The following TTN variants were observed in gnomAD, a reference collection of about 807,000 sequenced individuals.
TTN encodes titin, also known as connectin.
TTN carries 1,525 observed loss-of-function variants against 3,223.0 expected under a neutral mutation model. That is an observed-to-expected ratio of 0.47 (90% CI 0.45 to 0.49). The LOEUF (loss-of-function observed/expected upper bound fraction) is 0.49. TTN is among the 20% of genes least tolerant of loss of function. The pLI is 0.00. For missense variants in TTN, 40,786 were observed against 43,424.0 expected (o/e 0.94, Z 5.40); for synonymous variants, 14,094 against 15,161.0 (o/e 0.93, Z 5.17).
rs764276736 is a variant in TTN at position 178,575,374 on chromosome 2, T to C, written c.70758A>G (p.Lys23586=). 4 of 1,613,522 alleles carry C rather than the reference T, an allele frequency of 2.5e-6. No individual in the cohort carries two copies. In the African/African-American group the frequency reaches 4.0e-5, roughly 16 times the overall value. ...GATTCCTCACAACACATTCTAACCC[T>C]TTCACGGTTGTGATGTGGGTCCACT... is the stretch of plus-strand genomic sequence containing the variant. The part of the protein sequence containing the change: ...SDQWTHITTV[K]GLECVVRNLT... Residue 23586 remains lysine (K), a synonymous_variant, in exon 326 of 363, where the codon AAA becomes AAG. Coordinates refer to ENST00000589042, the MANE Select transcript of TTN (RefSeq NM_001267550.2). This position sits in a 1 kb window ranked among gnomAD's most constrained non-coding sequence, Gnocchi z 4.0.
Position 178,776,302 on chromosome 2 carries a change from T to A in TTN, c.5562A>T (p.Glu1854Asp), listed in dbSNP as rs571222694. The A allele has an allele frequency of 6.2e-7, 1 of 1,614,078 alleles. No individual in the cohort carries two copies. Among genetic ancestry groups the A allele is most frequent in the South Asian group, 1.1e-5 (1 of 91,080 alleles). ...TGCAGCGGAACCTTGCAGTCTCCCC[T>A]TCAAGTACTCTAACTGGCTCTGGGT... The part of the protein sequence containing the change: ...VLYPEPVRVL[E>D]GETARFRCRV... The change falls in exon 28 of 363, where the codon GAA (glutamate) becomes GAT (aspartate). Residue 1854 changes from glutamate to aspartate, a missense_variant. By Grantham distance (45) the Glu-to-Asp change is conservative. Transcript: ENST00000589042.
At chr2:178,766,711 G>A in intron 40 of TTN, 99 bp from the exon 41 acceptor site, 1 of 896,960 alleles carries the variant, frequency 1.1e-6, no homozygotes, top group Admixed American at 2.0e-5. Flanking sequence ...TCAATGAATG[G>A]CATGTGAAAC....
rs768044036 is a variant in TTN, at chr2:178,563,026, T to C, written c.83106A>G (p.Arg27702=). ...TLRLFVTIKG[R]PEPEVKWEKA... is the part of the protein sequence containing the mutation. ...TTTCCCATTTAACTTCGGGTTCTGG[T>C]CGACCTTTGATAGTGACAAATAAGC... Residue 27702 remains arginine, a synonymous_variant, in exon 326 of 363, where the codon CGA becomes CGG. Transcript: ENST00000589042. The surrounding 1 kb of genome is among the most constrained non-coding windows in gnomAD (Gnocchi z 4.5). 1.2e-6 allele frequency: 2 copies of C among 1,613,588 alleles called. No homozygotes were observed. Among genetic ancestry groups the C allele is most frequent in the African/African-American group, 2.7e-5 (2 of 74,906 alleles).
chr2:178,581,896 G>A lies in TTN; in HGVS notation c.66463+10C>T, dbSNP rs1216304664. On this transcript the variant is annotated intron_variant, in intron 315 of 362. Transcript: ENST00000589042. ...AACACAGGATATGGAACTCGTTCAT[G>A]AACACTTACACTGAGGGTCCCGAGC... The A allele has an allele frequency of 1.8e-5, 29 of 1,611,904 alleles. No individual in the cohort carries two copies. The highest frequency in any genetic ancestry group is 2.4e-5 in the Non-Finnish European group (28 of 1,179,174).
In TTN at chr2:178,686,759, C is replaced by T. The variant is rs1023986258; in HGVS notation, c.32312-1161G>A. Among the ~76,000 whole-genome samples, 3 of 152,188 alleles carry T rather than the reference C, an allele frequency of 2.0e-5. No individual in the cohort carries two copies. In the South Asian group the frequency reaches 6.2e-4, roughly 31 times the overall value. Reference sequence around the variant, plus strand: ...AAGTGTCTGGTTAAAAACATATCTGCTCCTTACGCTGAAAGTAAACCTAAC... The same window carrying T: ...AAGTGTCTGGTTAAAAACATATCTGTTCCTTACGCTGAAAGTAAACCTAAC... On this transcript the variant is annotated intron_variant, in intron 127 of 362. Transcript: ENST00000589042.
At position 178,718,122 on chromosome 2, in the gene TTN, AT is replaced by A; in HGVS notation, c.24883del (p.Ile8295PhefsTer27). On this transcript the variant is annotated frameshift_variant, in exon 86 of 363. Coordinates refer to ENST00000589042, the MANE Select transcript of TTN (RefSeq NM_001267550.2). LOFTEE classifies it high-confidence loss of function. Reference protein sequence around the residue: ...CKVDGTPEIRISWYKEHTKLR... With the variant: ...CKVDGTPEIRXSWYKEHTKLR... The stretch of plus-strand genomic sequence containing the variant: ...CTTTGTGTGTTCTTTATACCAAGAA[AT>A]TCTAATTTCTGGAGTTCCATCCACT... 6.2e-7 allele frequency: 1 copy of A among 1,611,492 alleles called. No individual in the cohort carries two copies. The highest frequency in any genetic ancestry group is 8.5e-7 in the Non-Finnish European group (1 of 1,179,698).
chr2:178,689,162 A>G lies in TTN; in HGVS notation c.32012-26T>C, dbSNP rs1211148000. The stretch of plus-strand genomic sequence containing the variant: ...CTTTAGAGACATTATGCACTTTTAG[A>G]AATTTAATGTGATCTCATTGAAGCC... On this transcript the variant is annotated intron_variant, in intron 124 of 362. Transcript: ENST00000589042. 1.9e-6 allele frequency: 3 copies of G among 1,595,614 alleles called. No homozygotes were observed. The South Asian group carries it at 3.4e-5, about 18-fold the overall frequency.
At chr2:178,704,446 C>T in intron 105 of TTN, 39 bp from the exon 106 acceptor site, 1 of 1,602,568 alleles carries the variant, frequency 6.2e-7, no homozygotes, top group Non-Finnish European at 8.5e-7. Context: ...TTCAATATCA[C>T]ACGCAGATGT....
chr2:178,620,498 C>T lies in TTN; in HGVS notation c.46023G>A (p.Val15341=), dbSNP rs1217882146. Reference sequence around the variant, plus strand: ...TGTATGAGACACGGTTGTCAAAAGGCACTTCTTCACCATTTTTGGTCCACT... The same window carrying T: ...TGTATGAGACACGGTTGTCAAAAGGTACTTCTTCACCATTTTTGGTCCACT... ...TLKWTKNGEE[V]PFDNRVSYRV... is the part of the protein sequence containing the mutation. Residue 15341 remains valine (V), a synonymous_variant, in exon 248 of 363, where the codon GTG becomes GTA. Transcript: ENST00000589042. 6.2e-7 allele frequency: 1 copy of T among 1,612,388 alleles called. No individual in the cohort carries two copies. The highest frequency in any genetic ancestry group is 1.3e-5 in the African/African-American group (1 of 74,914).
rs1184245523 is a variant in TTN, at chr2:178,534,733, C to A, written c.101882G>T (p.Gly33961Val). The A allele has an allele frequency of 6.2e-7, 1 of 1,613,832 alleles. No homozygotes were observed. Among genetic ancestry groups the A allele is most frequent in the South Asian group, 1.1e-5 (1 of 91,082 alleles). ...CCCTGGTTTCAGCTGACGGGCTTGA[C>A]CAAATTCTATGATTTTAATGGTAGA... The part of the protein sequence containing the change: ...RSSTIKIIEF[G>V]QARQLKPGDN... The change falls in exon 358 of 363, where the codon GGT becomes GTT. Residue 33961 changes from glycine (G) to valine (V), a missense_variant. Physicochemically the swap from Gly to Val is moderately radical, Grantham distance 109 (BLOSUM62 -3). Transcript: ENST00000589042.
intron 43 of TTN, among the ~76,000 whole-genome samples, chr2:178,762,486 T>A (rs2154338729): frequency 6.6e-6 from 1 of 152,308 alleles, no homozygotes; most frequent in Admixed American, 6.5e-5. Context: ...TTAAAGGCAA[T>A]ACTACCATAT....
At chr2:178,650,684 A>G (rs893501144) in intron 209 of TTN, 67 bp downstream of exon 209, 1 of 1,390,438 alleles carries the variant, frequency 7.2e-7, no homozygotes, top group Non-Finnish European at 9.8e-7. Flanking sequence ...AGGAAGGAAG[A>G]AGAACAAAGC....
At chr2:178,802,534 G>C (rs1228878395) in intron 2 of TTN, among the ~76,000 whole-genome samples, 193 bp from the exon 3 acceptor site, 2 of 152,200 alleles carry the variant, frequency 1.3e-5, no homozygotes, top group African/African-American at 4.8e-5. Flanking sequence ...GGCAGGAAGG[G>C]AGGAAACTGA....
Position 178,569,844 on chromosome 2 carries a change from T to C in TTN, c.76288A>G (p.Ile25430Val), listed in dbSNP as rs756888687. The change falls in exon 326 of 363, where the codon ATA becomes GTA. Residue 25430 changes from isoleucine to valine, a missense_variant. By Grantham distance (29) the Ile-to-Val change is conservative (BLOSUM62 3). Coordinates refer to ENST00000589042, the MANE Select transcript of TTN (RefSeq NM_001267550.2). The stretch of plus-strand genomic sequence containing the variant: ...TGAATTTCACAGCCACCATCATATA[T>C]TGGTTTGCTCCAAGAAAGGAATACT... ...SSVFLSWSKP[I>V]YDGGCEIQGY... The C allele has an allele frequency of 2.5e-6, 4 of 1,613,386 alleles. No individual in the cohort carries two copies. In the African/African-American group the frequency reaches 4.0e-5, roughly 16 times the overall value.
chr2:178,584,291 C>A lies in TTN; in HGVS notation c.65260G>T (p.Ala21754Ser). 6.4e-7 allele frequency: 1 copy of A among 1,562,608 alleles called. No homozygotes were observed. The highest frequency in any genetic ancestry group is 1.2e-5 in the South Asian group (1 of 83,282). The change falls in exon 311 of 363, where the codon GCA (alanine) becomes TCA (serine). Residue 21754 changes from alanine (A) to serine (S), a missense_variant. Physicochemically the swap from Ala to Ser is moderately conservative, Grantham distance 99. Coordinates refer to ENST00000589042, the MANE Select transcript of TTN (RefSeq NM_001267550.2). ...CAAAACTTACCAACTGGCATTCTTG[C>A]AGTTACATATTCTGTGGGTTTGCTG... ...PPSKPTEYVT[A>S]RMPVDPPGKP...
Position 178,768,720 on chromosome 2 carries a change from G to C in TTN, c.9116C>G (p.Thr3039Ser), listed in dbSNP as rs774523194. The C allele has an allele frequency of 6.2e-7, 1 of 1,614,060 alleles. No homozygotes were observed. The highest frequency in any genetic ancestry group is 1.1e-5 in the South Asian group (1 of 91,074). Residue 3039 changes from threonine (T) to serine (S), a missense_variant, in exon 38 of 363, where the codon ACC (threonine) becomes AGC (serine). Transcript: ENST00000589042. ...NVHFGDAADY[T>S]FVAGKATSTA... ...TGATGTTGCTTTTCCAGCCACAAAG[G>C]TGTAGTCAGCAGCATCCCCAAAGTG...
In TTN at chr2:178,705,510, A is replaced by T. The variant is rs959629492; in HGVS notation, c.29421-153T>A. Among the ~76,000 whole-genome samples the T allele has an allele frequency of 5.9e-5, 9 of 152,164 alleles. No individual in the cohort carries two copies. In the South Asian group the frequency reaches 1.2e-3, roughly 21 times the overall value. ...TACCATGTTAGCTGTGAAACAATTTAAAAATGTGGGTTTGGAGATGGAGTC... is the reference window on the plus strand; with the variant it reads ...TACCATGTTAGCTGTGAAACAATTTTAAAATGTGGGTTTGGAGATGGAGTC... On this transcript the variant is annotated intron_variant, in intron 102 of 362. Transcript: ENST00000589042.
intron 117 of TTN, chr2:178,694,369 C>T: frequency 2.2e-6 from 1 of 453,044 alleles, no homozygotes. Flanking sequence ...TAAACACAAA[C>T]CTTCTTTATA....
At position 178,777,181 on chromosome 2, in the gene TTN, G is replaced by A. The variant is rs2092323724; in HGVS notation, c.4782C>T (p.Asp1594=). Residue 1594 remains aspartate (D), a synonymous_variant, in exon 27 of 363, where the codon GAC becomes GAT. Transcript: ENST00000589042. ...NPDIVWLKNS[D]IIVPHKYPKI... ...TGGGATATTTATGAGGCACAATGATGTCACTGTTTTTCAACCATACAATGT... is the reference window on the plus strand; with the variant it reads ...TGGGATATTTATGAGGCACAATGATATCACTGTTTTTCAACCATACAATGT... 6.2e-7 allele frequency: 1 copy of A among 1,614,092 alleles called. No homozygotes were observed. The highest frequency in any genetic ancestry group is 8.5e-7 in the Non-Finnish European group (1 of 1,179,976).
Sources: gnomAD v4.1 joint callset for allele counts (sites outside exome capture counted in the v4.1 genomes callset) on GRCh38, gnomAD v4.1.1 for gene constraint, Gnocchi (gnomAD v3.1) non-coding constraint, MANE v1.5 for transcripts, NCBI Gene and HGNC (gene_info 2026-07-23, HGNC 2026-07-21) for gene names.